DNAH8: variants seen among roughly 807,000 people sequenced by gnomAD.
DNAH8 encodes the protein dynein axonemal heavy chain 8, also known as axonemal beta dynein heavy chain 8.
A neutral mutation model predicts 562.1 loss-of-function variants in DNAH8; 382 were observed. The ratio of observed to expected loss-of-function variants is 0.68; its 90% CI spans 0.63 to 0.74. The LOEUF is 0.74. DNAH8 is among the 30% of genes least tolerant of loss of function. DNAH8 has a pLI of 0.00. For synonymous variants in DNAH8, 1,881 were observed against 1,919.4 expected (o/e 0.98, Z 0.52); for missense variants, 5,203 against 5,620.4 (o/e 0.93, Z 2.37).
chr6:38,875,582 C>T lies in DNAH8; in HGVS notation c.7621-9C>T. The T allele has an allele frequency of 1.4e-6, 2 of 1,435,894 alleles. No homozygotes were observed. The highest frequency in any genetic ancestry group is 1.5e-5 in the South Asian group (1 of 68,716). 88.9% of individuals were successfully genotyped at this position (1,435,894 alleles called of 1,614,324 possible). A position where few individuals can be genotyped will look rare whatever the true frequency, so the allele number is the denominator to read the frequency against. On this transcript the variant is annotated splice_polypyrimidine_tract_variant and intron_variant, in intron 52 of 92. Coordinates refer to ENST00000327475, the MANE Select transcript of DNAH8 (RefSeq NM_001206927.2). ...ATTTAAAAATTTATTTTATTTGAAA[C>T]ATTTTCAGTCTCTCAATCTTCTGGA...
intron 76 of DNAH8, among the ~76,000 whole-genome samples, chr6:38,934,138 A>G (rs890780498): frequency 3.9e-5 from 6 of 152,234 alleles, no homozygotes; most frequent in Admixed American, 1.3e-4. Context: ...GGATTACCTG[A>G]GGTCAAGAGT....
chr6:38,719,782 C>T (rs866338310), intron 1 of DNAH8, among the ~76,000 whole-genome samples: 29 of 152,242 alleles, frequency 1.9e-4, no homozygotes, highest in Middle Eastern at 3.4e-3. Flanking sequence ...AGAGTTGCCA[C>T]CAAAGATTTT....
chr6:38,919,258 A>G (rs1781522241), intron 70 of DNAH8, among the ~76,000 whole-genome samples: 1 of 152,216 alleles, frequency 6.6e-6, no homozygotes, highest in Non-Finnish European at 1.5e-5. Context: ...TAACAAACAT[A>G]ATACTGTAAT....
chr6:39,012,044 G>A (rs1319116262), intron 89 of DNAH8, among the ~76,000 whole-genome samples, 171 bp from the exon 90 acceptor site: 3 of 152,132 alleles, frequency 2.0e-5, no homozygotes, highest in African/African-American at 7.2e-5. Context: ...TGGAAACGCA[G>A]GAAATGGAAA....
chr6:38,820,981 A>G (rs1247256756), intron 26 of DNAH8, among the ~76,000 whole-genome samples: 1 of 152,208 alleles, frequency 6.6e-6, no homozygotes, highest in African/African-American at 2.4e-5. Flanking sequence ...TGGAAATTCT[A>G]TCAAGTGGAT....
At position 38,913,943 on chromosome 6, in the gene DNAH8, A is replaced by G; in HGVS notation, c.9954A>G (p.Lys3318=). Residue 3318 remains lysine (K), a synonymous_variant, in exon 67 of 93, where the codon AAA becomes AAG. Coordinates refer to ENST00000327475, the MANE Select transcript of DNAH8 (RefSeq NM_001206927.2). Reference sequence around the variant, plus strand: ...AGGAGTTGGCAGTGGCTTCCATAAAAGCAGACGAAGTGAGTTTGCATTTAT... The same window carrying G: ...AGGAGTTGGCAGTGGCTTCCATAAAGGCAGACGAAGTGAGTTTGCATTTAT... The part of the protein sequence containing the change: ...KEKELAVASI[K]ADEVLAEVTV... 6.2e-7 allele frequency: 1 copy of G among 1,611,164 alleles called. No homozygotes were observed. Among genetic ancestry groups the G allele is most frequent in the Non-Finnish European group, 8.5e-7 (1 of 1,177,618 alleles).
intron 15 of DNAH8, 38 bp from the exon 16 acceptor site, chr6:38,781,216 A>G: frequency 1.2e-6 from 2 of 1,611,272 alleles, no homozygotes; most frequent in African/African-American, 1.3e-5. Flanking sequence ...TCTCCCTTGT[A>G]TTGAATTCAA....
intron 29 of DNAH8, among the ~76,000 whole-genome samples, 168 bp downstream of exon 29, chr6:38,826,559 A>C (rs1773339304): frequency 6.6e-6 from 1 of 152,220 alleles, no homozygotes; most frequent in South Asian, 2.1e-4. Context: ...GCAATTATCA[A>C]CAGTGAACAG....
chr6:38,962,652 T>C (rs1187986399), intron 82 of DNAH8, among the ~76,000 whole-genome samples: 1 of 152,148 alleles, frequency 6.6e-6, no homozygotes, highest in Admixed American at 6.5e-5. Flanking sequence ...TGCTTTAAAA[T>C]AAACTATAAA....
chr6:38,803,065 CT>C (rs1021138103), intron 21 of DNAH8, 113 bp from the exon 22 acceptor site: 169 of 735,138 alleles, frequency 2.3e-4, no homozygotes, highest in Middle Eastern at 4.1e-4. Flanking sequence ...CTATCTCTAG[CT>C]TTTTTTTTCA....
At chr6:38,843,218 C>T (rs1324974501) in intron 35 of DNAH8, among the ~76,000 whole-genome samples, 4 of 151,224 alleles carry the variant, frequency 2.6e-5, no homozygotes, top group Non-Finnish European at 5.9e-5. Flanking sequence ...CTTGGTGAAT[C>T]CCTCTGAACT....
At chr6:38,746,287 A>G (rs1320527375) in intron 8 of DNAH8, among the ~76,000 whole-genome samples, 1 of 152,176 alleles carries the variant, frequency 6.6e-6, no homozygotes. Context: ...CTCTTTGGCC[A>G]TCGGGAAATC....
intron 82 of DNAH8, among the ~76,000 whole-genome samples, chr6:38,969,768 A>G (rs1274065344): frequency 6.6e-6 from 1 of 152,024 alleles, no homozygotes; most frequent in Non-Finnish European, 1.5e-5. Context: ...GTAGGGCCTT[A>G]TAGTCTGTAA....
intron 24 of DNAH8, among the ~76,000 whole-genome samples, chr6:38,811,916 T>C (rs947851841): frequency 3.9e-5 from 6 of 152,020 alleles, no homozygotes; most frequent in Non-Finnish European, 7.4e-5. Context: ...ATACTGGGGG[T>C]ATGGCAGGTT....
chr6:38,946,377 A>G lies in DNAH8; in HGVS notation c.12129+789A>G, dbSNP rs541285511. ...TAGTGGCATTTCTGAAACATTGTGTAGACTCTACCTATTCAGCCTGGTTGG... is the reference window on the plus strand; with the variant it reads ...TAGTGGCATTTCTGAAACATTGTGTGGACTCTACCTATTCAGCCTGGTTGG... On this transcript the variant is annotated intron_variant, in intron 80 of 92. Coordinates refer to ENST00000327475, the MANE Select transcript of DNAH8 (RefSeq NM_001206927.2). Among the ~76,000 whole-genome samples the G allele has an allele frequency of 1.5e-3, 223 of 152,338 alleles. 2 individuals are homozygous for G. Among genetic ancestry groups the G allele is most frequent in the Middle Eastern group, 0.014 (4 of 294 alleles).
chr6:38,941,630 C>T (rs1783467919), intron 79 of DNAH8, among the ~76,000 whole-genome samples: 1 of 152,024 alleles, frequency 6.6e-6, no homozygotes, highest in Non-Finnish European at 1.5e-5. Context: ...AGGTTTTGGT[C>T]TTGGGGATGC....
At position 38,881,549 on chromosome 6, in the gene DNAH8, G is replaced by GTTT. The variant is rs3047883; in HGVS notation, c.7859-1345_7859-1343dup. Among the ~76,000 whole-genome samples the GTTT allele has an allele frequency of 1.7e-3, 224 of 134,014 alleles. 2 individuals are homozygous for GTTT. The highest frequency in any genetic ancestry group is 3.9e-3 in the Middle Eastern group (1 of 258). 87.9% of individuals were successfully genotyped at this position (134,014 alleles called of 152,430 possible). A position where few individuals can be genotyped will look rare whatever the true frequency, so the allele number is the denominator to read the frequency against. ...ATGTAAATAAATTTTTGAAATCAAT[G>GTTT]TTTTTTTTTTTTTTTTTTGAGACGG... On this transcript the variant is annotated intron_variant, in intron 53 of 92. Transcript: ENST00000327475.
chr6:38,869,512 A>G lies in DNAH8; in HGVS notation c.6829-889A>G, dbSNP rs78235585. Among the ~76,000 whole-genome samples, 470 of 152,276 alleles carry G rather than the reference A, an allele frequency of 3.1e-3. 5 individuals carry two copies. The highest frequency in any genetic ancestry group is 0.011 in the African/African-American group (449 of 41,560). Reference sequence around the variant, plus strand: ...AGCAAAGCCCTAGAGAATAAAGAGAAATCATAAGGGGTCAGATGTTGGGAA... The same window carrying G: ...AGCAAAGCCCTAGAGAATAAAGAGAGATCATAAGGGGTCAGATGTTGGGAA... On this transcript the variant is annotated intron_variant, in intron 48 of 92. Coordinates refer to ENST00000327475, the MANE Select transcript of DNAH8 (RefSeq NM_001206927.2).
intron 26 of DNAH8, 127 bp from the exon 27 acceptor site, chr6:38,822,711 C>G: frequency 1.5e-6 from 1 of 684,338 alleles, no homozygotes. Flanking sequence ...CTCAAAATAG[C>G]TCTTAGTTTC....
Sources: gnomAD v4.1 joint callset for allele counts (sites outside exome capture counted in the v4.1 genomes callset) on GRCh38, gnomAD v4.1.1 for gene constraint, MANE v1.5 for transcripts, NCBI Gene and HGNC (gene_info 2026-07-23, HGNC 2026-07-21) for gene names.